The following COL24A1 variants were observed in gnomAD, a reference collection of about 807,000 sequenced individuals.
The protein encoded by COL24A1 is collagen type XXIV alpha 1 chain.
A neutral mutation model predicts 253.9 loss-of-function variants in COL24A1; 224 were observed. The ratio of observed to expected loss-of-function variants is 0.88; its 90% CI spans 0.79 to 0.99. COL24A1 has a LOEUF of 0.99. Among genes scored for constraint, COL24A1 ranks in the 50% least tolerant of loss-of-function variants. COL24A1 has a pLI of 0.00. For synonymous variants in COL24A1, 685 were observed against 673.7 expected, an observed-to-expected ratio of 1.02 and a Z score of -0.26; for missense variants, 2,131 against 2,068.5, an observed-to-expected ratio of 1.03 and a Z score of -0.59.
intron 7 of COL24A1, among the ~76,000 whole-genome samples, chr1:86,088,710 G>C (rs1296230609): frequency 6.6e-6 from 1 of 151,964 alleles, no homozygotes; most frequent in East Asian, 1.9e-4. Context: ...TTATTTCCCA[G>C]TAAAATGAGA....
chr1:85,734,997 C>G (rs1370179218), intron 58 of COL24A1, 33 bp from the exon 59 acceptor site: 1 of 1,598,626 alleles, frequency 6.3e-7, no homozygotes, highest in Admixed American at 1.7e-5. Context: ...CAGGTTATAA[C>G]ATGGCAATTG....
intron 37 of COL24A1, among the ~76,000 whole-genome samples, chr1:85,857,870 G>A (rs1401581809): frequency 1.3e-5 from 2 of 152,126 alleles, no homozygotes; most frequent in Non-Finnish European, 2.9e-5. Context: ...AAAACCAGAT[G>A]AGCCAGAAAT....
chr1:86,014,027 T>C (rs1696776430), intron 19 of COL24A1, among the ~76,000 whole-genome samples: 2 of 152,204 alleles, frequency 1.3e-5, no homozygotes, highest in Non-Finnish European at 2.9e-5. Flanking sequence ...GAGACTATCC[T>C]ATCTGACCTC....
At position 85,945,002 on chromosome 1, in the gene COL24A1, GTTTTTTTTTTTTTTTTTT is replaced by G. The variant is rs1165341082; in HGVS notation, c.2562+16229_2562+16246del. 2.0e-3 allele frequency among the ~76,000 whole-genome samples: 69 copies of G among 35,370 alleles called. No homozygotes were observed. In the Middle Eastern group the frequency reaches 0.11, roughly 57 times the overall value. The allele number at this position is 35,370 out of a possible 152,430, so 23.2% of individuals were successfully genotyped here. On this transcript the variant is annotated intron_variant, in intron 24 of 59. Transcript: ENST00000370571. Reference sequence around the variant, plus strand: ...TTTTCTTAATCCAGTCTATCATTGTGTTTTTTTTTTTTTTTTTTTTTTTTTTTTTTTTTGAGACAGAGT... The same window carrying G: ...TTTTCTTAATCCAGTCTATCATTGTGTTTTTTTTTTTTTTTGAGACAGAGT...
Position 86,057,948 on chromosome 1 carries a change from C to A in COL24A1, c.1834G>T (p.Gly612Cys). The change falls in exon 10 of 60, where the codon GGT becomes TGT. Residue 612 changes from glycine to cysteine, a missense_variant. Coordinates refer to ENST00000370571, the MANE Select transcript of COL24A1 (RefSeq NM_152890.7). ...QGLAGPEGNPGPKGAQGFIGS... is the reference protein window; with the variant it reads ...QGLAGPEGNPCPKGAQGFIGS... ...CTACTTACTTGTGCACCTTTAGGAC[C>A]TGGATTACCTTCTGGTCCAGCTAAA... The A allele has an allele frequency of 6.2e-7, 1 of 1,613,008 alleles. No individual in the cohort carries two copies. The highest frequency in any genetic ancestry group is 8.5e-7 in the Non-Finnish European group (1 of 1,179,394).
In COL24A1 at chr1:85,971,270, C is replaced by A. The variant is rs1380426671; in HGVS notation, c.2418+70G>T. On this transcript the variant is annotated intron_variant, in intron 21 of 59. Transcript: ENST00000370571. ...TGTTTAAGCAAAAACTGAAGGCCCA[C>A]AATAAATAAAAAGGGAAAATTTTAA... 1.4e-5 allele frequency: 19 copies of A among 1,312,606 alleles called. No homozygotes were observed. In the East Asian group the frequency reaches 4.0e-4, roughly 28 times the overall value. 81.3% of individuals were successfully genotyped at this position (1,312,606 alleles called of 1,614,324 possible). A position where few individuals can be genotyped will look rare whatever the true frequency, so the allele number is the denominator to read the frequency against.
intron 24 of COL24A1, among the ~76,000 whole-genome samples, chr1:85,951,711 T>G (rs535024723): frequency 1.3e-5 from 2 of 152,328 alleles, no homozygotes; most frequent in South Asian, 4.1e-4. Flanking sequence ...GAGGCATTTA[T>G]ATCATCTTGG....
chr1:86,041,792 T>G (rs1172783620), intron 12 of COL24A1, among the ~76,000 whole-genome samples: 1 of 152,070 alleles, frequency 6.6e-6, no homozygotes, highest in Non-Finnish European at 1.5e-5. Context: ...AAAACAGTAG[T>G]AGTTCTATGG....
chr1:86,047,615 CAT>C (rs563312868), intron 11 of COL24A1, among the ~76,000 whole-genome samples: 14 of 151,766 alleles, frequency 9.2e-5, no homozygotes, highest in Non-Finnish European at 1.3e-4. Flanking sequence ...TATATACACA[CAT>C]ATATATGTTT....
At chr1:86,060,894 A>G (rs1701040457) in intron 8 of COL24A1, among the ~76,000 whole-genome samples, 1 of 151,738 alleles carries the variant, frequency 6.6e-6, no homozygotes, top group African/African-American at 2.4e-5. Context: ...TAAATATTAT[A>G]TATTTACATA....
intron 4 of COL24A1, 57 bp from the exon 5 acceptor site, chr1:86,112,677 C>A: frequency 2.0e-6 from 3 of 1,477,078 alleles, no homozygotes; most frequent in South Asian, 2.3e-5. Context: ...GAACAAAGTA[C>A]AATTGCTTAC....
chr1:85,823,577 C>T lies in COL24A1; in HGVS notation c.3748G>A (p.Asp1250Asn), dbSNP rs779230958. ...GQQGPPGEPG[D>N]QGEQGLKGER... ...CCTTTTAGTCCTTGTTCACCCTGGTCACCTGGTTCGCCCTTTAGTAGAAAC... is the reference window on the plus strand; with the variant it reads ...CCTTTTAGTCCTTGTTCACCCTGGTTACCTGGTTCGCCCTTTAGTAGAAAC... The change falls in exon 45 of 60, where the codon GAC (aspartate) becomes AAC (asparagine). Residue 1250 changes from aspartate to asparagine, a missense_variant. By Grantham distance (23) the Asp-to-Asn change is conservative. Transcript: ENST00000370571. 1.2e-6 allele frequency: 2 copies of T among 1,614,004 alleles called. No individual in the cohort carries two copies. The highest frequency in any genetic ancestry group is 1.7e-6 in the Non-Finnish European group (2 of 1,179,954).
intron 34 of COL24A1, 80 bp downstream of exon 34, chr1:85,875,197 A>G (rs1564515): frequency 0.37 from 458,826 of 1,229,918 alleles, 91,346 homozygotes; most frequent in African/African-American, 0.49. Flanking sequence ...GTTAGCAAAT[A>G]TAGGGGATTC....
chr1:85,811,116 T>A (rs1672483300), intron 47 of COL24A1, among the ~76,000 whole-genome samples: 1 of 152,216 alleles, frequency 6.6e-6, no homozygotes, highest in Non-Finnish European at 1.5e-5. Flanking sequence ...CAGGTTATAG[T>A]GTGTCAGACT....
At chr1:85,847,942 AG>A (rs1677322203) in intron 38 of COL24A1, among the ~76,000 whole-genome samples, 170 bp from the exon 39 acceptor site, 1 of 152,216 alleles carries the variant, frequency 6.6e-6, no homozygotes, top group African/African-American at 2.4e-5. Context: ...TAAAAATAAA[AG>A]TAATTTTGGA....
chr1:85,846,977 G>T (rs1677203685), intron 39 of COL24A1, among the ~76,000 whole-genome samples: 1 of 151,892 alleles, frequency 6.6e-6, no homozygotes, highest in South Asian at 2.1e-4. Context: ...TTTAAATGGA[G>T]ACTACACTAA....
intron 24 of COL24A1, among the ~76,000 whole-genome samples, chr1:85,942,288 T>A (rs1688824559): frequency 6.6e-6 from 1 of 152,206 alleles, no homozygotes; most frequent in Non-Finnish European, 1.5e-5. Flanking sequence ...AAAGTTTTCC[T>A]GAGTGGTGAA....
At chr1:86,049,277 G>A (rs932780525) in intron 11 of COL24A1, among the ~76,000 whole-genome samples, 2 of 151,990 alleles carry the variant, frequency 1.3e-5, no homozygotes, top group Admixed American at 1.3e-4. Context: ...TTCTCTGCAG[G>A]GGCATTCACA....
In COL24A1 at chr1:85,842,335, C is replaced by T; in HGVS notation, c.3516+5G>A. ...GAATATATTTTTTCAATTATAAATA[C>T]TTACCCTGTACCCTGGAATTCCTGG... On this transcript the variant is annotated splice_donor_5th_base_variant and intron_variant, in intron 40 of 59. Coordinates refer to ENST00000370571, the MANE Select transcript of COL24A1 (RefSeq NM_152890.7). 6.3e-7 allele frequency: 1 copy of T among 1,579,152 alleles called. No individual in the cohort carries two copies. The highest frequency in any genetic ancestry group is 8.6e-7 in the Non-Finnish European group (1 of 1,160,104).
Sources: allele counts gnomAD v4.1 joint callset (sites outside exome capture counted in the v4.1 genomes callset), GRCh38; gene constraint gnomAD v4.1.1; transcripts MANE v1.5; gene names NCBI Gene and HGNC (gene_info 2026-07-23, HGNC 2026-07-21).